The following GPR137B variants were observed in gnomAD, a reference collection of about 807,000 sequenced individuals.
GPR137B encodes the protein integral membrane protein GPR137B.
A neutral mutation model predicts 42.5 loss-of-function variants in GPR137B; 42 were observed. That is an observed-to-expected ratio of 0.99 (90% CI 0.77 to 1.28). The LOEUF (loss-of-function observed/expected upper bound fraction) is 1.28, where lower values mean the gene tolerates loss of function less well. Among genes scored for constraint, GPR137B ranks in the 50% most tolerant of loss-of-function variants. The probability of loss-of-function intolerance (pLI) is 0.00; values close to 1 mark genes in which losing one functional copy is unlikely to be tolerated. For synonymous variants in GPR137B, 218 were observed against 209.7 expected (o/e 1.04, Z -0.34); for missense variants, 487 against 493.9 (o/e 0.99, Z 0.13).
intron 1 of GPR137B, among the ~76,000 whole-genome samples, chr1:236,151,854 C>G (rs961904981): frequency 5.3e-5 from 8 of 152,212 alleles, no homozygotes; most frequent in Non-Finnish European, 1.2e-4. Flanking sequence ...AGGCTACTCT[C>G]CCTGTCACCT....
At chr1:236,198,268 G>T (rs1663396835) in intron 5 of GPR137B, among the ~76,000 whole-genome samples, 1 of 151,838 alleles carries the variant, frequency 6.6e-6, no homozygotes, top group Admixed American at 6.6e-5. Context: ...GCAGTGGTGT[G>T]ATATTGGCTC....
chr1:236,158,301 T>C (rs1662091877), intron 1 of GPR137B, among the ~76,000 whole-genome samples: 1 of 152,176 alleles, frequency 6.6e-6, no homozygotes, highest in Admixed American at 6.5e-5. Context: ...TGCACGTGCC[T>C]ATAATCCCAG....
chr1:236,182,340 A>G (rs1662910071), intron 4 of GPR137B, among the ~76,000 whole-genome samples: 1 of 152,166 alleles, frequency 6.6e-6, no homozygotes, highest in African/African-American at 2.4e-5. Context: ...GGGTTTAACA[A>G]AGTTACTTCA....
chr1:236,205,354 C>A (rs1663626846), intron 6 of GPR137B, 104 bp downstream of exon 6: 1 of 930,586 alleles, frequency 1.1e-6, no homozygotes, highest in Non-Finnish European at 1.6e-6. Context: ...AACTGTGCAG[C>A]CTTAGGTGGT....
chr1:236,188,150 T>C (rs1006475478), intron 5 of GPR137B, among the ~76,000 whole-genome samples: 2 of 152,184 alleles, frequency 1.3e-5, no homozygotes, highest in Non-Finnish European at 2.9e-5. Context: ...TAGGAATGCT[T>C]GTGATTTTTG....
rs552624404 is a variant in GPR137B, at chr1:236,168,873, T to C, written c.464+118T>C. Reference sequence around the variant, plus strand: ...TTCTGTGAGCCGCCGGAAACAGTCCTGCCTGCTGGCTGGCTGCCCACATTG... The same window carrying C: ...TTCTGTGAGCCGCCGGAAACAGTCCCGCCTGCTGGCTGGCTGCCCACATTG... On this transcript the variant is annotated intron_variant, in intron 2 of 6. Coordinates refer to ENST00000366592, the MANE Select transcript of GPR137B (RefSeq NM_003272.4). The C allele has an allele frequency of 2.0e-5, 16 of 787,386 alleles. No homozygotes were observed. The Admixed American group carries it at 3.0e-4, about 15-fold the overall frequency. 48.8% of individuals were successfully genotyped at this position (787,386 alleles called of 1,614,324 possible).
At position 236,155,422 on chromosome 1, in the gene GPR137B, A is replaced by AT. The variant is rs1199768495; in HGVS notation, c.414+12387dup. Among the ~76,000 whole-genome samples the AT allele has an allele frequency of 6.6e-6, 1 of 152,232 alleles. No individual in the cohort carries two copies. Among genetic ancestry groups the AT allele is most frequent in the East Asian group, 1.9e-4 (1 of 5,194 alleles). ...GAGGGTTGACCAGCCTCACCCCTGA[A>AT]TCCAGGTGCTCAGGGGACAAGAGAC... On this transcript the variant is annotated intron_variant, in intron 1 of 6. Coordinates refer to ENST00000366592, the MANE Select transcript of GPR137B (RefSeq NM_003272.4). This position sits in a 1 kb window ranked among gnomAD's most constrained non-coding sequence, Gnocchi z 4.6.
chr1:236,181,489 T>G (rs1486025766), intron 4 of GPR137B, among the ~76,000 whole-genome samples: 1 of 152,238 alleles, frequency 6.6e-6, no homozygotes, highest in African/African-American at 2.4e-5. Context: ...AACTTCTCTA[T>G]TATACATTTA....
Position 236,205,500 on chromosome 1 carries a change from ATTTTC to A in GPR137B, c.1091+253_1091+257del, listed in dbSNP as rs1349167781. Among the ~76,000 whole-genome samples, 3 of 152,078 alleles carry A rather than the reference ATTTTC, an allele frequency of 2.0e-5. No individual in the cohort carries two copies. The East Asian group carries it at 5.8e-4, about 29-fold the overall frequency. Reference sequence around the variant, plus strand: ...CCTAAACAATATTCCATGAAACACTATTTTCTTAATAGTTATGCTGTGCAAAAGGA... The same window carrying A: ...CCTAAACAATATTCCATGAAACACTATTAATAGTTATGCTGTGCAAAAGGA... On this transcript the variant is annotated intron_variant, in intron 6 of 6. Transcript: ENST00000366592.
chr1:236,146,252 T>C (rs1012787942), intron 1 of GPR137B, among the ~76,000 whole-genome samples: 2 of 152,178 alleles, frequency 1.3e-5, no homozygotes, highest in African/African-American at 4.8e-5. Context: ...AATCAAAGTA[T>C]ACATACAGCA....
intron 2 of GPR137B, among the ~76,000 whole-genome samples, chr1:236,175,984 C>G (rs940398411): frequency 6.6e-6 from 1 of 152,110 alleles, no homozygotes; most frequent in Non-Finnish European, 1.5e-5. Flanking sequence ...CAAGATGATC[C>G]CGACCGTGGA....
chr1:236,201,955 G>T (rs1663504544), intron 5 of GPR137B, among the ~76,000 whole-genome samples: 1 of 152,028 alleles, frequency 6.6e-6, no homozygotes, highest in African/African-American at 2.4e-5. Flanking sequence ...GATGTGGGTT[G>T]CTTCCCCTTC....
In GPR137B at chr1:236,157,915, A is replaced by G. The variant is rs111932060; in HGVS notation, c.415-10791A>G. Among the ~76,000 whole-genome samples, 820 of 152,316 alleles carry G rather than the reference A, an allele frequency of 5.4e-3. 8 individuals carry two copies. Among genetic ancestry groups the G allele is most frequent in the African/African-American group, 0.019 (778 of 41,566 alleles). ...ACACATAGTCATGAGGGAATAAACA[A>G]ACTGCAGAAGGTTATGGAAGGTATT... On this transcript the variant is annotated intron_variant, in intron 1 of 6. Transcript: ENST00000366592.
chr1:236,149,126 C>T (rs982462046), intron 1 of GPR137B, among the ~76,000 whole-genome samples: 3 of 152,158 alleles, frequency 2.0e-5, no homozygotes, highest in Admixed American at 6.6e-5. Context: ...GTCAGGTCCC[C>T]GGGCTGACCC....
rs537905884 is a variant in GPR137B, at chr1:236,183,962, C to G, written c.966+56C>G. On this transcript the variant is annotated intron_variant, in intron 5 of 6. Coordinates refer to ENST00000366592, the MANE Select transcript of GPR137B (RefSeq NM_003272.4). Reference sequence around the variant, plus strand: ...ATGTCTCCTAATTCTGATCATGGAACCTGCAATTAGAACTTTTTCTTCATT... The same window carrying G: ...ATGTCTCCTAATTCTGATCATGGAAGCTGCAATTAGAACTTTTTCTTCATT... 1.1e-5 allele frequency: 14 copies of G among 1,240,942 alleles called. No homozygotes were observed. In the Admixed American group the frequency reaches 2.7e-4, roughly 24 times the overall value. The allele number at this position is 1,240,942 out of a possible 1,614,324, so 76.9% of individuals were successfully genotyped here.
intron 1 of GPR137B, among the ~76,000 whole-genome samples, chr1:236,161,848 A>G (rs960324788): frequency 6.6e-6 from 1 of 152,178 alleles, no homozygotes. Flanking sequence ...GTTAAGTCCA[A>G]TTAAACCTCT....
rs956978055 is a variant in GPR137B, at chr1:236,171,813, G to A, written c.464+3058G>A. On this transcript the variant is annotated intron_variant, in intron 2 of 6. Transcript: ENST00000366592. This position sits in a 1 kb window ranked among gnomAD's most constrained non-coding sequence, Gnocchi z 4.4. Reference sequence around the variant, plus strand: ...TAATCCCAGCACTTTGGGAGGCCGAGGCAGGCAGATCACCTGAGATCAGGA... The same window carrying A: ...TAATCCCAGCACTTTGGGAGGCCGAAGCAGGCAGATCACCTGAGATCAGGA... Among the ~76,000 whole-genome samples, 1 of 152,196 alleles carries A rather than the reference G, an allele frequency of 6.6e-6. No individual in the cohort carries two copies. Among genetic ancestry groups the A allele is most frequent in the Non-Finnish European group, 1.5e-5 (1 of 68,030 alleles).
In GPR137B at chr1:236,161,184, T is replaced by C. The variant is rs191379130; in HGVS notation, c.415-7522T>C. Reference sequence around the variant, plus strand: ...TCAACCCATGGTCTGCAGCCTTTGCTCTGCTCTGTATCCCAGGGACCTCTC... The same window carrying C: ...TCAACCCATGGTCTGCAGCCTTTGCCCTGCTCTGTATCCCAGGGACCTCTC... On this transcript the variant is annotated intron_variant, in intron 1 of 6. Transcript: ENST00000366592. 1.4e-3 allele frequency among the ~76,000 whole-genome samples: 210 copies of C among 152,244 alleles called. 3 individuals carry two copies. Among genetic ancestry groups the C allele is most frequent in the Admixed American group, 0.014 (208 of 15,292 alleles).
At chr1:236,207,605 T>C (rs961348990) in intron 6 of GPR137B, among the ~76,000 whole-genome samples, 2 of 152,234 alleles carry the variant, frequency 1.3e-5, no homozygotes, top group Non-Finnish European at 2.9e-5. Context: ...TATTAGACAC[T>C]GTTCTAAGCA....
Sources: gnomAD v4.1 joint callset for allele counts (sites outside exome capture counted in the v4.1 genomes callset) on GRCh38, gnomAD v4.1.1 for gene constraint, Gnocchi (gnomAD v3.1) non-coding constraint, MANE v1.5 for transcripts, NCBI Gene and HGNC (gene_info 2026-07-23, HGNC 2026-07-21) for gene names.